CMSS1: variants seen among roughly 807,000 people sequenced by gnomAD.
The protein encoded by CMSS1 is protein CMSS1.
Under a neutral mutation model 43.5 loss-of-function variants are expected in CMSS1, and 33 were observed. The observed-to-expected ratio is 0.76, with a 90% confidence interval of 0.57 to 1.01. CMSS1 has a LOEUF of 1.01. Ranked by LOEUF, CMSS1 falls within the 50% of genes least tolerant of loss-of-function variation. CMSS1 has a pLI of 0.00. For synonymous variants in CMSS1, 115 were observed against 117.2 expected, an observed-to-expected ratio of 0.98 and a Z score of 0.12; for missense variants, 313 against 326.4, an observed-to-expected ratio of 0.96 and a Z score of 0.32.
chr3:100,146,314 T>C (rs1487330015), intron 1 of CMSS1, among the ~76,000 whole-genome samples: 1 of 152,220 alleles, frequency 6.6e-6, no homozygotes, highest in Non-Finnish European at 1.5e-5. Flanking sequence ...AATAAGAATT[T>C]CTCATGACCT....
At chr3:99,980,772 AG>A (rs1709096995) in intron 1 of CMSS1, among the ~76,000 whole-genome samples, 1 of 152,110 alleles carries the variant, frequency 6.6e-6, no homozygotes, top group Non-Finnish European at 1.5e-5. Context: ...TATTAGTTAC[AG>A]GTGTGACTTG....
chr3:100,064,031 C>T (rs1359530751), intron 1 of CMSS1, among the ~76,000 whole-genome samples: 3 of 152,168 alleles, frequency 2.0e-5, no homozygotes, highest in South Asian at 2.1e-4. Context: ...TCTCAAACCT[C>T]GGACCTCTAG....
At chr3:99,915,498 A>G (rs551262141) in intron 1 of CMSS1, among the ~76,000 whole-genome samples, 1 of 152,268 alleles carries the variant, frequency 6.6e-6, no homozygotes, top group African/African-American at 2.4e-5. Context: ...ATGTACTTAA[A>G]AACCCTCACT....
At chr3:99,876,583 T>TA (rs762600035) in intron 1 of CMSS1, among the ~76,000 whole-genome samples, 45 of 152,236 alleles carry the variant, frequency 3.0e-4, no homozygotes, top group Non-Finnish European at 5.6e-4. Context: ...TTGCTGGGGG[T>TA]AGGCGGGAGA....
chr3:99,998,840 A>G (rs1476202338), intron 1 of CMSS1, among the ~76,000 whole-genome samples: 2 of 152,204 alleles, frequency 1.3e-5, no homozygotes, highest in Non-Finnish European at 2.9e-5. Context: ...AAGTAATGGG[A>G]TTACAGGCGT....
At chr3:100,021,960 T>TGTGTGTGTGTGAGAGAGA (rs1321185364) in intron 1 of CMSS1, among the ~76,000 whole-genome samples, 5 of 93,332 alleles carry the variant, frequency 5.4e-5, no homozygotes, top group South Asian at 4.4e-4. Context: ...TGTGTGTGTG[T>TGTGTGTGTGTGAGAGAGA]GAGAGAGAGA....
At chr3:99,881,558 A>G (rs1705729512) in intron 1 of CMSS1, among the ~76,000 whole-genome samples, 1 of 150,442 alleles carries the variant, frequency 6.6e-6, no homozygotes, top group African/African-American at 2.4e-5. Flanking sequence ...TTTGAGACAC[A>G]GTCTCACTCT....
chr3:99,967,265 T>C (rs1576607291), intron 1 of CMSS1, among the ~76,000 whole-genome samples: 2 of 152,328 alleles, frequency 1.3e-5, no homozygotes, highest in South Asian at 4.1e-4. Context: ...CCTCTGATAT[T>C]AATACTTACC....
intron 1 of CMSS1, among the ~76,000 whole-genome samples, chr3:99,953,345 A>C (rs1039598069): frequency 1.3e-5 from 2 of 152,128 alleles, no homozygotes; most frequent in Non-Finnish European, 2.9e-5. Flanking sequence ...AATTCTAAGG[A>C]AGTAGAATTT....
chr3:99,908,599 G>A (rs541547944), intron 1 of CMSS1, among the ~76,000 whole-genome samples: 1 of 152,286 alleles, frequency 6.6e-6, no homozygotes, highest in South Asian at 2.1e-4. Context: ...CCAGTTACTA[G>A]CAGTGTGATC....
chr3:99,874,544 T>C (rs1263984467), intron 1 of CMSS1: 1 of 152,204 alleles, frequency 6.6e-6, no homozygotes, highest in African/African-American at 2.4e-5. Flanking sequence ...ACCTGCAGTT[T>C]ATATAGCCTA....
chr3:99,931,820 A>G (rs890786312), intron 1 of CMSS1, among the ~76,000 whole-genome samples: 2 of 152,228 alleles, frequency 1.3e-5, no homozygotes, highest in Non-Finnish European at 2.9e-5. Flanking sequence ...ATAATCATCC[A>G]AATGAATTTA....
At chr3:100,002,065 G>C (rs1471718362) in intron 1 of CMSS1, among the ~76,000 whole-genome samples, 1 of 152,182 alleles carries the variant, frequency 6.6e-6, no homozygotes, top group Non-Finnish European at 1.5e-5. Context: ...ACTGTTTGCA[G>C]CTCTGGAAAA....
At chr3:100,037,220 A>T (rs568211982) in intron 1 of CMSS1, among the ~76,000 whole-genome samples, 1 of 152,060 alleles carries the variant, frequency 6.6e-6, no homozygotes, top group Non-Finnish European at 1.5e-5. Context: ...TATTCTTAGG[A>T]AAATACATTG....
intron 1 of CMSS1, among the ~76,000 whole-genome samples, chr3:99,894,709 C>G (rs890788850): frequency 8.5e-5 from 13 of 152,160 alleles, no homozygotes; most frequent in African/African-American, 3.1e-4. Flanking sequence ...GATTCCCAGA[C>G]TAGCACAAGG....
At chr3:100,132,818 CAAAAAAA>C (rs537334560) in intron 1 of CMSS1, among the ~76,000 whole-genome samples, 4,944 of 66,518 alleles carry the variant, frequency 0.074, 215 homozygotes, top group African/African-American at 0.2. Context: ...GACTCCATCC[CAAAAAAA>C]AAAAAAAAAA....
chr3:100,135,810 T>G (rs1429404360), intron 1 of CMSS1, among the ~76,000 whole-genome samples: 1 of 152,162 alleles, frequency 6.6e-6, no homozygotes, highest in East Asian at 1.9e-4. Context: ...TAGTTGTGTT[T>G]TTCAAATGAT....
intron 1 of CMSS1, among the ~76,000 whole-genome samples, chr3:100,099,400 A>C (rs1042610774): frequency 6.6e-6 from 1 of 152,168 alleles, no homozygotes; most frequent in Non-Finnish European, 1.5e-5. Flanking sequence ...AAATTTTCTG[A>C]TAAGATTTTA....
At chr3:99,940,088 A>G (rs1187818312) in intron 1 of CMSS1, among the ~76,000 whole-genome samples, 1 of 152,220 alleles carries the variant, frequency 6.6e-6, no homozygotes, top group Non-Finnish European at 1.5e-5. Context: ...AAAGGACAAA[A>G]AGAAATATAA....
Sources: allele counts gnomAD v4.1 joint callset (sites outside exome capture counted in the v4.1 genomes callset), GRCh38; gene constraint gnomAD v4.1.1; transcripts MANE v1.5; gene names NCBI Gene and HGNC (gene_info 2026-07-23, HGNC 2026-07-21).